Variants in BBS9 observed in about 807,000 individuals in gnomAD.
BBS9 encodes the protein Bardet-Biedl syndrome 9.
A neutral mutation model predicts 117.7 loss-of-function variants in BBS9; 89 were observed. The observed-to-expected ratio is 0.76, with a 90% CI of 0.64 to 0.90. The LOEUF (loss-of-function observed/expected upper bound fraction) is 0.90, where lower values mean the gene tolerates loss of function less well. BBS9 is among the 40% of genes least tolerant of loss of function. BBS9 has a pLI of 0.00. For missense variants in BBS9, 982 were observed against 1,042.2 expected, an observed-to-expected ratio of 0.94 and a Z score of 0.80; for synonymous variants, 379 against 370.9, an observed-to-expected ratio of 1.02 and a Z score of -0.25.
chr7:33,532,926 T>C (rs1850807742), intron 20 of BBS9, among the ~76,000 whole-genome samples: 2 of 152,188 alleles, frequency 1.3e-5, no homozygotes, highest in South Asian at 4.1e-4. Flanking sequence ...GTCAGGCCCA[T>C]GGTGCTCTAG....
At chr7:33,157,235 TAAA>T (rs1584205758) in intron 4 of BBS9, among the ~76,000 whole-genome samples, 1 of 152,234 alleles carries the variant, frequency 6.6e-6, no homozygotes, top group East Asian at 1.9e-4. Flanking sequence ...AGACAAGGGA[TAAA>T]AAGTGTACTT....
At position 33,576,089 on chromosome 7, in the gene BBS9, T is replaced by G. The variant is rs187039791; in HGVS notation, c.2522-28776T>G. On this transcript the variant is annotated intron_variant, in intron 21 of 22. Transcript: ENST00000242067. ...GACAAGAGAAAGAAATAAAGGGTAT[T>G]CAATTAGGAAAAAAGGAAGTCAAAT... Among the ~76,000 whole-genome samples, 517 of 152,292 alleles carry G rather than the reference T, an allele frequency of 3.4e-3. 4 individuals are homozygous for G. Among genetic ancestry groups the G allele is most frequent in the Middle Eastern group, 0.027 (8 of 294 alleles).
intron 19 of BBS9, among the ~76,000 whole-genome samples, chr7:33,406,418 C>A (rs1830003746): frequency 6.6e-6 from 1 of 151,950 alleles, no homozygotes; most frequent in Admixed American, 6.6e-5. Flanking sequence ...TTAATTGGAG[C>A]ATTTAGTCCA....
At chr7:33,371,813 C>T (rs900327302) in intron 17 of BBS9, among the ~76,000 whole-genome samples, 11 of 152,160 alleles carry the variant, frequency 7.2e-5, no homozygotes, top group African/African-American at 2.7e-4. Flanking sequence ...TGAGATCCTA[C>T]ATTTTGAATT....
intron 21 of BBS9, among the ~76,000 whole-genome samples, chr7:33,545,291 C>T (rs1314114565): frequency 6.6e-6 from 1 of 152,060 alleles, no homozygotes; most frequent in African/African-American, 2.4e-5. Context: ...GGAGTTTTAC[C>T]CCCTGTTCCT....
intron 9 of BBS9, among the ~76,000 whole-genome samples, chr7:33,279,097 G>T (rs149638947): frequency 5.0e-4 from 76 of 152,250 alleles, no homozygotes; most frequent in African/African-American, 1.8e-3. Flanking sequence ...GAATGCATTG[G>T]CATGATCATA....
chr7:33,384,390 C>T, intron 18 of BBS9, among the ~76,000 whole-genome samples: 1 of 152,142 alleles, frequency 6.6e-6, no homozygotes, highest in East Asian at 1.9e-4. Flanking sequence ...TGCATTTCTT[C>T]TTTGGAAGTG....
chr7:33,570,620 A>C (rs1857618151), intron 21 of BBS9, among the ~76,000 whole-genome samples: 1 of 152,212 alleles, frequency 6.6e-6, no homozygotes, highest in African/African-American at 2.4e-5. Flanking sequence ...GCATAGTCTC[A>C]AATATATTTA....
At chr7:33,322,735 T>C (rs948510866) in intron 9 of BBS9, among the ~76,000 whole-genome samples, 3 of 152,076 alleles carry the variant, frequency 2.0e-5, no homozygotes, top group Non-Finnish European at 4.4e-5. Context: ...CAATGTCATT[T>C]ATTTCTTCTG....
intron 19 of BBS9, among the ~76,000 whole-genome samples, chr7:33,452,755 A>G (rs1838077770): frequency 6.6e-6 from 1 of 152,256 alleles, no homozygotes; most frequent in African/African-American, 2.4e-5. Flanking sequence ...CACTGTAGCA[A>G]CAGTGGGAAG....
chr7:33,215,053 A>C (rs1788783476), intron 5 of BBS9, among the ~76,000 whole-genome samples: 2 of 152,218 alleles, frequency 1.3e-5, no homozygotes, highest in South Asian at 4.1e-4. Flanking sequence ...TTAGCTGGGC[A>C]TGGTGGCGGG....
In BBS9 at chr7:33,505,561, C is replaced by G. The variant is rs148536971; in HGVS notation, c.2214C>G (p.Ile738Met). ...CCACCCATTTGGTGATTCTGCTGAT[C>G]GCGCTGTGGCAGAAGCTTAGTGCTG... ...KSATHLVILL[I>M]ALWQKLSADQ... Residue 738 changes from isoleucine (I) to methionine (M), a missense_variant, in exon 20 of 23, where the codon ATC (isoleucine) becomes ATG (methionine). Ile to Met is a conservative substitution (Grantham distance 10). Transcript: ENST00000242067. 2 of 1,614,100 alleles carry G rather than the reference C, an allele frequency of 1.2e-6. No homozygotes were observed. The highest frequency in any genetic ancestry group is 2.2e-5 in the East Asian group (1 of 44,888).
intron 19 of BBS9, among the ~76,000 whole-genome samples, chr7:33,445,034 A>G (rs918191213): frequency 6.6e-6 from 1 of 152,118 alleles, no homozygotes; most frequent in East Asian, 1.9e-4. Context: ...AAAATAGTAC[A>G]TGTATGTTGA....
chr7:33,183,718 C>T (rs1798404191), intron 5 of BBS9, among the ~76,000 whole-genome samples: 1 of 152,182 alleles, frequency 6.6e-6, no homozygotes, highest in African/African-American at 2.4e-5. Flanking sequence ...AAATTCCTGT[C>T]CTCCAGATGG....
chr7:33,159,613 G>A (rs1459501633), intron 4 of BBS9, among the ~76,000 whole-genome samples: 3 of 152,196 alleles, frequency 2.0e-5, no homozygotes, highest in Admixed American at 1.3e-4. Flanking sequence ...ATAGGTGAGA[G>A]TGTGACCAAA....
intron 9 of BBS9, among the ~76,000 whole-genome samples, chr7:33,327,237 C>G (rs1813045061): frequency 6.6e-6 from 1 of 152,108 alleles, no homozygotes; most frequent in Non-Finnish European, 1.5e-5. Flanking sequence ...TATGTAGGGC[C>G]TTGAAGACTC....
At chr7:33,253,004 C>T (rs1482486377) in intron 5 of BBS9, among the ~76,000 whole-genome samples, 1 of 151,958 alleles carries the variant, frequency 6.6e-6, no homozygotes, top group Non-Finnish European at 1.5e-5. Context: ...CATCTTGCAC[C>T]ACTTTACCAT....
chr7:33,409,094 A>T (rs549610946), intron 19 of BBS9, among the ~76,000 whole-genome samples: 48 of 151,698 alleles, frequency 3.2e-4, no homozygotes, highest in African/African-American at 1.0e-3. Context: ...CCTTTATCTC[A>T]TTCTTTAGGT....
rs187207537 is a variant in BBS9 at position 33,154,711 on chromosome 7, C to T, written c.264-927C>T. 5.3e-3 allele frequency among the ~76,000 whole-genome samples: 806 copies of T among 152,214 alleles called. 8 individuals carry two copies. Among genetic ancestry groups the T allele is most frequent in the African/African-American group, 0.018 (755 of 41,520 alleles). ...GAACTTCTGATCTCAGGAGATCCAC[C>T]GCCCCCTCCCACCTCAGCCTCCCAA... On this transcript the variant is annotated intron_variant, in intron 3 of 22. Coordinates refer to ENST00000242067, the MANE Select transcript of BBS9 (RefSeq NM_198428.3).
Sources: gnomAD v4.1 joint callset for allele counts (sites outside exome capture counted in the v4.1 genomes callset) on GRCh38, gnomAD v4.1.1 for gene constraint, MANE v1.5 for transcripts, NCBI Gene and HGNC (gene_info 2026-07-23, HGNC 2026-07-21) for gene names.